The following KLRF1 variants were observed in gnomAD, a reference collection of about 807,000 sequenced individuals.
KLRF1 encodes the protein killer cell lectin like receptor F1.
In KLRF1, 27 loss-of-function variants were observed where a neutral mutation model predicts 30.7. That is an observed-to-expected ratio of 0.88 (90% confidence interval 0.65 to 1.21). The LOEUF (loss-of-function observed/expected upper bound fraction) is 1.21, where lower values mean the gene tolerates loss of function less well. KLRF1 is among the 50% of genes most tolerant of loss of function. KLRF1 has a pLI of 0.00. For missense variants in KLRF1, 246 were observed against 259.3 expected, an observed-to-expected ratio of 0.95 and a Z score of 0.35; for synonymous variants, 92 against 89.3, an observed-to-expected ratio of 1.03 and a Z score of -0.17.
At chr12:9,801,068 A>T in the KLRF1 span, among the ~76,000 whole-genome samples, 9 of 151,350 alleles carry the variant, frequency 5.9e-5, no homozygotes, top group Non-Finnish European at 1.2e-4. Flanking sequence ...TCATTGTTTA[A>T]CTCCCACTGA....
At chr12:9,826,744 G>C (rs764226215), upstream of KLRF1, among the ~76,000 whole-genome samples, 1 of 152,070 alleles carries the variant, frequency 6.6e-6, no homozygotes, top group African/African-American at 2.4e-5. Flanking sequence ...GCTAGAGGCC[G>C]TTACCCTTAA....
At chr12:9,842,839 A>T (rs1375595856) in intron 5 of KLRF1, among the ~76,000 whole-genome samples, 1 of 152,142 alleles carries the variant, frequency 6.6e-6, no homozygotes, top group Non-Finnish European at 1.5e-5. Context: ...CTCTGAACAA[A>T]TGCATGGAAT....
rs377562582 is a variant in KLRF1 at position 9,830,292 on chromosome 12, CTGGAATTAACGGTAGTTTTTCAAT to C, written c.86-2021_86-1998del. 1.5e-3 allele frequency among the ~76,000 whole-genome samples: 228 copies of C among 152,024 alleles called. 1 individual carries two copies. Among genetic ancestry groups the C allele is most frequent in the African/African-American group, 5.3e-3 (222 of 41,512 alleles). ...TAAATGCAGCTACTATTTTTTGTTT[CTGGAATTAACGGTAGTTTTTCAAT>C]TGATTCTTTTATTTTACCAAATCTG... On this transcript the variant is annotated intron_variant, in intron 1 of 5. Transcript: ENST00000617889.
At chr12:9,813,419 C>T in the KLRF1 span, among the ~76,000 whole-genome samples, 1 of 152,116 alleles carries the variant, frequency 6.6e-6, no homozygotes, top group Non-Finnish European at 1.5e-5. Context: ...ATCCTCCCAC[C>T]TCAGCCTCCC....
At chr12:9,810,776 G>A in the KLRF1 span, among the ~76,000 whole-genome samples, 1 of 152,190 alleles carries the variant, frequency 6.6e-6, no homozygotes, top group Non-Finnish European at 1.5e-5. Flanking sequence ...AGATTAGGAA[G>A]TGAGAATTTT....
chr12:9,817,746 G>T, the KLRF1 span: 1 of 208,546 alleles, frequency 4.8e-6, no homozygotes, highest in Non-Finnish European at 1.1e-5. Context: ...GATATTTTTT[G>T]GTCTTTGCCT....
At chr12:9,823,233 AAAAC>A (rs778613876), upstream of KLRF1, among the ~76,000 whole-genome samples, 1,592 of 148,290 alleles carry the variant, frequency 0.011, 21 homozygotes, top group African/African-American at 0.04. Flanking sequence ...GCAAAAAAAA[AAAAC>A]AAAAACTCAA....
At chr12:9,817,031 G>T in the KLRF1 span, among the ~76,000 whole-genome samples, 1 of 151,858 alleles carries the variant, frequency 6.6e-6, no homozygotes, top group Non-Finnish European at 1.5e-5. Context: ...TGCCACTATT[G>T]AAAACTCACT....
At chr12:9,841,059 C>T (rs1438566278) in intron 3 of KLRF1, among the ~76,000 whole-genome samples, 2 of 152,040 alleles carry the variant, frequency 1.3e-5, no homozygotes, top group Admixed American at 1.3e-4. Flanking sequence ...AAATGCACAT[C>T]AATAGTAGAC....
At chr12:9,827,742 C>T (rs1017573043) in intron 1 of KLRF1, 113 bp downstream of exon 1, 5 of 559,822 alleles carry the variant, frequency 8.9e-6, no homozygotes, top group South Asian at 4.7e-5. Context: ...TTTCTTTCTC[C>T]GTCTCTGTAT....
the KLRF1 span, among the ~76,000 whole-genome samples, chr12:9,809,098 G>A: frequency 9.2e-5 from 14 of 152,000 alleles, no homozygotes; most frequent in African/African-American, 2.7e-4. Flanking sequence ...TCTGCATTTC[G>A]GAGAAAATTG....
intron 3 of KLRF1, among the ~76,000 whole-genome samples, chr12:9,835,030 C>G (rs957154796): frequency 2.6e-5 from 4 of 151,958 alleles, no homozygotes; most frequent in African/African-American, 7.3e-5. Flanking sequence ...TGAAATGCCT[C>G]CTATTCCAGT....
chr12:9,840,101 A>C (rs117698011), intron 3 of KLRF1, among the ~76,000 whole-genome samples: 86 of 152,250 alleles, frequency 5.6e-4, no homozygotes, highest in Non-Finnish European at 1.2e-3. Flanking sequence ...AGCCAGATAC[A>C]AAAGGCCACA....
At chr12:9,815,580 T>C in the KLRF1 span, among the ~76,000 whole-genome samples, 1 of 152,232 alleles carries the variant, frequency 6.6e-6, no homozygotes, top group African/African-American at 2.4e-5. Context: ...GTCCAGCTAA[T>C]TGTACAAAGT....
At chr12:9,823,096 A>G (rs1482985894), upstream of KLRF1, among the ~76,000 whole-genome samples, 1 of 152,128 alleles carries the variant, frequency 6.6e-6, no homozygotes, top group African/African-American at 2.4e-5. Flanking sequence ...CATTGGACCA[A>G]ATGGATTTGA....
At chr12:9,800,934 A>C in the KLRF1 span, among the ~76,000 whole-genome samples, 1 of 151,998 alleles carries the variant, frequency 6.6e-6, no homozygotes, top group Non-Finnish European at 1.5e-5. Context: ...GCACCTATCA[A>C]CCCACTATCT....
At chr12:9,809,590 C>T in the KLRF1 span, among the ~76,000 whole-genome samples, 2 of 152,074 alleles carry the variant, frequency 1.3e-5, no homozygotes, top group Admixed American at 6.5e-5. Context: ...ATTGATGTTA[C>T]GCTTAGTTTA....
the KLRF1 span, among the ~76,000 whole-genome samples, chr12:9,807,821 A>G: frequency 6.6e-6 from 1 of 152,096 alleles, no homozygotes; most frequent in East Asian, 1.9e-4. Context: ...GTGTAACCAG[A>G]CATAAGACTC....
intron 3 of KLRF1, among the ~76,000 whole-genome samples, chr12:9,834,761 GTTTTTGGACCCTAT>G (rs1184210187): frequency 1.8e-4 from 27 of 152,252 alleles, no homozygotes; most frequent in Non-Finnish European, 3.8e-4. Context: ...TGGTTGGCAA[GTTTTTGGACCCTAT>G]CCTTGAGTTT....
Sources: gnomAD v4.1 joint callset for allele counts (sites outside exome capture counted in the v4.1 genomes callset) on GRCh38, gnomAD v4.1.1 for gene constraint, MANE v1.5 for transcripts, NCBI Gene and HGNC (gene_info 2026-07-23, HGNC 2026-07-21) for gene names.